The following MACF1 variants were observed in gnomAD, a reference collection of about 807,000 sequenced individuals.
The protein encoded by MACF1 is microtubule actin crosslinking factor 1.
MACF1 carries 193 observed loss-of-function variants against 854.8 expected under a neutral mutation model. The ratio of observed to expected loss-of-function variants is 0.23; its 90% CI spans 0.20 to 0.25. MACF1 has a LOEUF of 0.25. Ranked by LOEUF, MACF1 falls within the 10% of genes least tolerant of loss-of-function variation. The pLI, the probability that MACF1 is intolerant of heterozygous loss-of-function variation, is 1.00. For synonymous variants in MACF1, 3,185 were observed against 3,226.7 expected (o/e 0.99, Z 0.44); for missense variants, 7,722 against 8,929.1 (o/e 0.86, Z 5.45).
chr1:39,253,671 G>A (rs1645067061), intron 4 of MACF1, among the ~76,000 whole-genome samples: 2 of 151,900 alleles, frequency 1.3e-5, no homozygotes, highest in South Asian at 4.2e-4. Context: ...GTGCCACCAC[G>A]CCCGGCTAAT....
intron 2 of MACF1, among the ~76,000 whole-genome samples, chr1:39,124,055 T>C (rs1642799306): frequency 6.6e-6 from 1 of 151,016 alleles, no homozygotes; most frequent in Admixed American, 6.6e-5. Flanking sequence ...TTGTATTTTT[T>C]TTTTTTTTTT....
chr1:39,411,135 C>G (rs532499361), intron 58 of MACF1: 2 of 1,613,680 alleles, frequency 1.2e-6, no homozygotes, highest in Non-Finnish European at 1.7e-6. Context: ...TGCCACCTCT[C>G]TCCCCTTGCC....
chr1:39,222,693 T>C (rs1644667597), intron 1 of MACF1, among the ~76,000 whole-genome samples: 1 of 152,218 alleles, frequency 6.6e-6, no homozygotes, highest in Non-Finnish European at 1.5e-5. Context: ...CATGTTGTTC[T>C]CCACCACTAG....
Position 39,333,493 on chromosome 1 carries a change from C to G in MACF1, c.6905C>G (p.Thr2302Arg). The change falls in exon 37 of 101, where the codon ACA (threonine) becomes AGA (arginine). Residue 2302 changes from threonine (T) to arginine (R), a missense_variant. Around this residue, in one of 15 missense-constraint regions of MACF1, gnomAD observed 1,531 missense variants for 1,601.6 expected, o/e 0.96. Coordinates refer to ENST00000564288, the MANE Select transcript of MACF1 (RefSeq NM_001394062.1). ...LLDGGIFHEQ[T>R]GQKLLLNEAI... ...GATGGTGGTATCTTTCATGAACAAA[C>G]AGGTCAAAAGCTCTTACTAAATGAA... The G allele has an allele frequency of 6.2e-7, 1 of 1,614,146 alleles. No homozygotes were observed.
intron 2 of MACF1, among the ~76,000 whole-genome samples, chr1:39,164,057 C>T (rs1643859010): frequency 6.6e-6 from 1 of 152,008 alleles, no homozygotes; most frequent in Admixed American, 6.6e-5. Flanking sequence ...TGTGAGCATT[C>T]TTTATACCTT....
intron 54 of MACF1, 132 bp from the exon 55 acceptor site, chr1:39,380,112 C>A: frequency 2.4e-6 from 2 of 825,162 alleles, no homozygotes; most frequent in Non-Finnish European, 3.9e-6. Context: ...ATCTTAACAC[C>A]ACTAAACAAG....
intron 6 of MACF1, chr1:39,269,527 A>T: frequency 7.8e-7 from 1 of 1,289,818 alleles, no homozygotes; most frequent in Non-Finnish European, 1.0e-6. Context: ...CCTACTTCTC[A>T]GAGTGATTTG....
chr1:39,263,845 C>T (rs1303505482), intron 6 of MACF1, among the ~76,000 whole-genome samples: 1 of 133,138 alleles, frequency 7.5e-6, no homozygotes, highest in Admixed American at 8.9e-5. Flanking sequence ...GCGATTTCAG[C>T]TCACTGCAAG....
intron 2 of MACF1, among the ~76,000 whole-genome samples, chr1:39,196,949 T>C (rs1459891812): frequency 6.6e-6 from 1 of 152,244 alleles, no homozygotes; most frequent in Non-Finnish European, 1.5e-5. Flanking sequence ...GTTCTGAGTC[T>C]GTCTTCTACA....
At chr1:39,329,259 G>C (rs997444153) in intron 36 of MACF1, among the ~76,000 whole-genome samples, 2 of 152,174 alleles carry the variant, frequency 1.3e-5, no homozygotes, top group African/African-American at 4.8e-5. Flanking sequence ...CACATATGTA[G>C]AAATGGAGAT....
At chr1:39,361,783 C>A in intron 49 of MACF1, 106 bp downstream of exon 49, 1 of 1,032,916 alleles carries the variant, frequency 9.7e-7, no homozygotes, top group Non-Finnish European at 1.4e-6. Context: ...CTGGAAACTA[C>A]CTGCATTATC....
At chr1:39,471,617 A>G (rs1483759992) in intron 97 of MACF1, among the ~76,000 whole-genome samples, 2 of 152,192 alleles carry the variant, frequency 1.3e-5, no homozygotes, top group African/African-American at 2.4e-5. Flanking sequence ...CAGATATTTC[A>G]GTTTCTGAAT....
At chr1:39,451,931 C>T (rs973712452) in intron 85 of MACF1, among the ~76,000 whole-genome samples, 1 of 152,064 alleles carries the variant, frequency 6.6e-6, no homozygotes, top group South Asian at 2.1e-4. Flanking sequence ...TGGTCTTGAA[C>T]TCCTGGGCTC....
At chr1:39,319,126 A>T (rs1410386508) in intron 30 of MACF1, among the ~76,000 whole-genome samples, 2 of 152,082 alleles carry the variant, frequency 1.3e-5, no homozygotes, top group African/African-American at 2.4e-5. Flanking sequence ...TGAAGAAGTT[A>T]TTTAGCTTCT....
intron 2 of MACF1, among the ~76,000 whole-genome samples, chr1:39,194,687 CCCT>C (rs1644299290): frequency 6.8e-6 from 1 of 146,590 alleles, no homozygotes; most frequent in Admixed American, 6.8e-5. Context: ...CCCTCCCCTC[CCCT>C]CCCCTCCCCT....
chr1:39,131,354 T>G (rs1280453259), intron 2 of MACF1, among the ~76,000 whole-genome samples: 1 of 149,990 alleles, frequency 6.7e-6, no homozygotes. Flanking sequence ...TTTTTTTTTT[T>G]GTAGAGACAG....
chr1:39,466,011 G>C (rs767828514), intron 95 of MACF1, among the ~76,000 whole-genome samples: 17 of 152,178 alleles, frequency 1.1e-4, no homozygotes, highest in Non-Finnish European at 2.2e-4. Flanking sequence ...GAAGAGTCCT[G>C]ACACCCTCTT....
intron 43 of MACF1, 56 bp downstream of exon 43, chr1:39,351,074 C>T (rs1647167621): frequency 7.5e-7 from 1 of 1,335,460 alleles, no homozygotes. Context: ...TTGGTACCAA[C>T]ACAAATAAAA....
chr1:39,162,804 T>G (rs1281327015), intron 2 of MACF1, among the ~76,000 whole-genome samples: 3 of 152,178 alleles, frequency 2.0e-5, no homozygotes, highest in Non-Finnish European at 4.4e-5. Context: ...TTAGCGATAC[T>G]GTTTCTAAAG....
Sources: allele counts gnomAD v4.1 joint callset (sites outside exome capture counted in the v4.1 genomes callset), GRCh38; gene constraint gnomAD v4.1.1; regional missense constraint gnomAD v4.1.1; transcripts MANE v1.5; gene names NCBI Gene and HGNC (gene_info 2026-07-23, HGNC 2026-07-21).